The following NUP133 variants were observed in gnomAD, a reference collection of about 807,000 sequenced individuals.
The protein encoded by NUP133 is nuclear pore complex protein Nup133.
A neutral mutation model predicts 146.2 loss-of-function variants in NUP133; 66 were observed. The ratio of observed to expected loss-of-function variants is 0.45; its 90% CI spans 0.37 to 0.55. The LOEUF (loss-of-function observed/expected upper bound fraction) is 0.55, where lower values mean the gene tolerates loss of function less well. NUP133 is among the 20% of genes least tolerant of loss of function. NUP133 has a pLI of 0.00. For missense variants in NUP133, 1,277 were observed against 1,374.8 expected (o/e 0.93, Z 1.12); for synonymous variants, 521 against 498.8 (o/e 1.04, Z -0.59).
chr1:229,445,120 T>C (rs1660276449), intron 24 of NUP133, 118 bp from the exon 25 acceptor site: 1 of 726,040 alleles, frequency 1.4e-6, no homozygotes, highest in African/African-American at 1.8e-5. Flanking sequence ...ATCTGAGTTT[T>C]GTGATACTGT....
At position 229,462,215 on chromosome 1, in the gene NUP133, C is replaced by T. The variant is rs564007923; in HGVS notation, c.2685+1328G>A. On this transcript the variant is annotated intron_variant, in intron 19 of 25. Transcript: ENST00000261396. Reference sequence around the variant, plus strand: ...CTGATCTTTGATGAAGTAAGTCATACCCAGTCAATGAAATACTATAATGCC... The same window carrying T: ...CTGATCTTTGATGAAGTAAGTCATATCCAGTCAATGAAATACTATAATGCC... Among the ~76,000 whole-genome samples the T allele has an allele frequency of 3.3e-5, 5 of 152,232 alleles. No individual in the cohort carries two copies. The South Asian group carries it at 8.3e-4, about 25-fold the overall frequency.
intron 19 of NUP133, 47 bp downstream of exon 19, chr1:229,463,496 A>G: frequency 6.4e-7 from 1 of 1,559,166 alleles, no homozygotes; most frequent in Non-Finnish European, 8.6e-7. Context: ...CCATTTCAAG[A>G]AAAGGCAACT....
At position 229,499,178 on chromosome 1, in the gene NUP133, G is replaced by A. The variant is rs774353950; in HGVS notation, c.648+506C>T. On this transcript the variant is annotated intron_variant, in intron 5 of 25. Coordinates refer to ENST00000261396, the MANE Select transcript of NUP133 (RefSeq NM_018230.3). ...GCCATTCAAAGTGGTGAGACTGCAC[G>A]CATGAGCCACCATGCTCAGCCAGAT... 3.0e-5 allele frequency: 14 copies of A among 469,998 alleles called. 1 individual carries two copies. The highest frequency in any genetic ancestry group is 2.1e-4 in the East Asian group (3 of 14,412). The allele number at this position is 469,998 out of a possible 1,614,324, so 29.1% of individuals were successfully genotyped here. A position where few individuals can be genotyped will look rare whatever the true frequency, so the allele number is the denominator to read the frequency against.
intron 6 of NUP133, 151 bp from the exon 7 acceptor site, chr1:229,496,198 G>A: frequency 1.6e-6 from 1 of 640,154 alleles, no homozygotes; most frequent in Non-Finnish European, 2.4e-6. Flanking sequence ...CCTGGGCCGG[G>A]TGTGGTGTCT....
chr1:229,462,860 G>A (rs1051754954), intron 19 of NUP133, among the ~76,000 whole-genome samples: 6 of 152,050 alleles, frequency 3.9e-5, no homozygotes, highest in African/African-American at 9.7e-5. Flanking sequence ...TGGGAACTTT[G>A]TTTTTTAAAC....
Position 229,508,142 on chromosome 1 carries a change from A to T in NUP133, c.108T>A (p.Gly36=), listed in dbSNP as rs1263137022. The change falls in exon 1 of 26, where the codon GGT becomes GGA. Residue 36 remains glycine (G), a synonymous_variant. Coordinates refer to ENST00000261396, the MANE Select transcript of NUP133 (RefSeq NM_018230.3). ...AGCTGACTGCAGACCCCAGGGGCAG[A>T]CCCTTCCTGCTAGCCGTCCGGGGCG... ...GSTPRTASRK[G]LPLGSAVSSP... is the part of the protein sequence containing the mutation. 6.3e-7 allele frequency: 1 copy of T among 1,596,346 alleles called. No homozygotes were observed.
chr1:229,492,128 C>T (rs12748038), intron 8 of NUP133, among the ~76,000 whole-genome samples: 27,846 of 145,582 alleles, frequency 0.19, 2,799 homozygotes, highest in Middle Eastern at 0.26. Context: ...TTTTTTGAGG[C>T]GGAGTTTCAC....
intron 3 of NUP133, 144 bp downstream of exon 3, chr1:229,501,855 A>G (rs2102786205): frequency 1.7e-6 from 1 of 603,984 alleles, no homozygotes; most frequent in Non-Finnish European, 3.0e-6. Context: ...TCATTATTTC[A>G]CATCACTATG....
chr1:229,448,904 C>G (rs1660375409), intron 24 of NUP133: 3 of 537,376 alleles, frequency 5.6e-6, no homozygotes, highest in Non-Finnish European at 9.8e-6. Context: ...CAGGGGCAGT[C>G]TGAGCCCTCA....
intron 20 of NUP133, 48 bp downstream of exon 20, chr1:229,460,563 T>G: frequency 6.4e-7 from 1 of 1,553,612 alleles, no homozygotes; most frequent in South Asian, 1.2e-5. Context: ...TAATTAAAAC[T>G]ACCTAAATAA....
chr1:229,505,507 T>C (rs1461564696), intron 2 of NUP133, among the ~76,000 whole-genome samples: 1 of 149,698 alleles, frequency 6.7e-6, no homozygotes, highest in South Asian at 2.1e-4. Context: ...CTTAATTTGA[T>C]TGTGTTCAAA....
intron 1 of NUP133, among the ~76,000 whole-genome samples, chr1:229,506,643 A>G (rs1661946151): frequency 6.6e-6 from 1 of 151,966 alleles, no homozygotes; most frequent in African/African-American, 2.4e-5. Flanking sequence ...GCAGTGGCTC[A>G]TGTCTATAAT....
intron 12 of NUP133, 149 bp from the exon 13 acceptor site, chr1:229,477,909 G>A: frequency 1.8e-6 from 1 of 555,850 alleles, no homozygotes; most frequent in East Asian, 2.9e-5. Flanking sequence ...TGGAGGACAT[G>A]TTAAGTGAAA....
In NUP133 at chr1:229,476,031, C is replaced by A. The variant is rs563576813; in HGVS notation, c.1757-299G>T. ...GCTGAGGCAAGAGAATTGCTTGAACCCGGGGAGGTGGAAGTTGCAGTGAGC... is the reference window on the plus strand; with the variant it reads ...GCTGAGGCAAGAGAATTGCTTGAACACGGGGAGGTGGAAGTTGCAGTGAGC... On this transcript the variant is annotated intron_variant, in intron 13 of 25. Transcript: ENST00000261396. Among the ~76,000 whole-genome samples, 14 of 152,034 alleles carry A rather than the reference C, an allele frequency of 9.2e-5. No homozygotes were observed. In the South Asian group the frequency reaches 2.9e-3, roughly 32 times the overall value.
intron 13 of NUP133, among the ~76,000 whole-genome samples, chr1:229,477,037 A>G (rs1001792062): frequency 1.3e-5 from 2 of 152,148 alleles, no homozygotes; most frequent in African/African-American, 4.8e-5. Context: ...AAGCTAAGTA[A>G]GGCAATTAAT....
rs763523882 is a variant in NUP133, at chr1:229,488,444, TAAA to T, written c.1195-834_1195-832del. Among the ~76,000 whole-genome samples the T allele has an allele frequency of 2.7e-4, 41 of 152,298 alleles. 1 individual carries two copies. Among genetic ancestry groups the T allele is most frequent in the Admixed American group, 1.8e-3 (28 of 15,302 alleles). ...TATGCTAAAAATGATAAGCTGTTAT[TAAA>T]GAAGTAATTTTACAGAAATATTAAA... On this transcript the variant is annotated intron_variant, in intron 9 of 25. Transcript: ENST00000261396.
At chr1:229,490,364 C>T (rs1661476140) in intron 8 of NUP133, among the ~76,000 whole-genome samples, 1 of 146,894 alleles carries the variant, frequency 6.8e-6, no homozygotes, top group Non-Finnish European at 1.5e-5. Context: ...GATAAACAAA[C>T]TGTGGTATAT....
intron 12 of NUP133, among the ~76,000 whole-genome samples, chr1:229,480,123 G>A (rs759379947): frequency 1.2e-4 from 19 of 152,192 alleles, no homozygotes; most frequent in Non-Finnish European, 2.6e-4. Context: ...GGGAGGGAAA[G>A]AGGAACAGGA....
At chr1:229,485,018 C>T (rs1031953323) in intron 11 of NUP133, among the ~76,000 whole-genome samples, 8 of 152,026 alleles carry the variant, frequency 5.3e-5, no homozygotes, top group Non-Finnish European at 2.9e-5. Context: ...ATGGAAATTA[C>T]CCCAAACAGT....
Sources: gnomAD v4.1 joint callset for allele counts (sites outside exome capture counted in the v4.1 genomes callset) on GRCh38, gnomAD v4.1.1 for gene constraint, MANE v1.5 for transcripts, NCBI Gene and HGNC (gene_info 2026-07-23, HGNC 2026-07-21) for gene names.